Variants in FARP1 observed in about 807,000 individuals in gnomAD.
FARP1 encodes FERM, ARHGEF and pleckstrin domain-containing protein 1.
A neutral mutation model predicts 128.8 loss-of-function variants in FARP1; 52 were observed. The ratio of observed to expected loss-of-function variants is 0.40; its 90% CI spans 0.32 to 0.51. The LOEUF (loss-of-function observed/expected upper bound fraction) is 0.51. Among genes scored for constraint, FARP1 ranks in the 20% least tolerant of loss-of-function variants. FARP1 has a pLI of 0.45. For missense variants in FARP1, 1,333 were observed against 1,367.9 expected (o/e 0.97, Z 0.40); for synonymous variants, 580 against 551.8 (o/e 1.05, Z -0.72).
At chr13:98,245,137 T>C in intron 2 of FARP1, 1 of 992,992 alleles carries the variant, frequency 1.0e-6, no homozygotes, top group Non-Finnish European at 1.2e-6. Context: ...CTGGAATTGC[T>C]GAAGTTTAAT....
In FARP1 at chr13:98,440,816, G is replaced by A. The variant is rs1277561626; in HGVS notation, c.2776G>A (p.Asp926Asn). ...WHRNTSVSMV[D>N]FSIAVENQLS... ...CCGCAACACCAGCGTCTCCATGGTG[G>A]ACTTCAGCATCGCAGTGGAGGTACG... is the stretch of plus-strand genomic sequence containing the variant. The change falls in exon 24 of 27, where the codon GAC becomes AAC. Residue 926 changes from aspartate (D) to asparagine (N), a missense_variant. Transcript: ENST00000319562. 2.5e-6 allele frequency: 4 copies of A among 1,610,324 alleles called. No homozygotes were observed. The highest frequency in any genetic ancestry group is 2.7e-5 in the African/African-American group (2 of 74,976).
intron 1 of FARP1, among the ~76,000 whole-genome samples, chr13:98,160,811 C>T (rs1876827719): frequency 1.3e-5 from 2 of 152,010 alleles, no homozygotes; most frequent in African/African-American, 4.8e-5. Flanking sequence ...TATAGGCTCA[C>T]ACTACCATGC....
At chr13:98,393,135 A>G (rs1890376387) in intron 11 of FARP1, among the ~76,000 whole-genome samples, 1 of 152,234 alleles carries the variant, frequency 6.6e-6, no homozygotes, top group South Asian at 2.1e-4. Flanking sequence ...TGTTAAAGTC[A>G]GTTCCTTCTA....
At chr13:98,382,952 G>A (rs1351457995) in intron 6 of FARP1, among the ~76,000 whole-genome samples, 2 of 152,214 alleles carry the variant, frequency 1.3e-5, no homozygotes, top group East Asian at 3.9e-4. Context: ...GAGTTCAGCT[G>A]CTGTTGGCCA....
At chr13:98,381,402 G>A (rs1889882889) in intron 6 of FARP1, among the ~76,000 whole-genome samples, 1 of 152,198 alleles carries the variant, frequency 6.6e-6, no homozygotes, top group South Asian at 2.1e-4. Context: ...CACACAATCT[G>A]CTGTCGTCTT....
At chr13:98,387,797 C>A (rs1488664063) in intron 8 of FARP1, among the ~76,000 whole-genome samples, 3 of 152,182 alleles carry the variant, frequency 2.0e-5, no homozygotes, top group Non-Finnish European at 4.4e-5. Context: ...GCTTGATGGG[C>A]CCAGGAGCCA....
At chr13:98,225,291 C>T (rs1433130451) in intron 2 of FARP1, among the ~76,000 whole-genome samples, 2 of 152,186 alleles carry the variant, frequency 1.3e-5, no homozygotes, top group Admixed American at 1.3e-4. Flanking sequence ...AGTTGCATTT[C>T]ACAGCTCATT....
intron 3 of FARP1, among the ~76,000 whole-genome samples, chr13:98,354,416 T>C (rs527723367): frequency 1.3e-5 from 2 of 152,326 alleles, no homozygotes; most frequent in South Asian, 4.1e-4. Context: ...TAACCAGATA[T>C]GAAACATGGT....
chr13:98,178,037 G>A (rs906467464), intron 1 of FARP1: 8 of 152,172 alleles, frequency 5.3e-5, no homozygotes, highest in African/African-American at 1.9e-4. Context: ...CACTGCACCT[G>A]TGGGTGTGTA....
intron 13 of FARP1, chr13:98,403,959 T>C (rs74343824): frequency 0.03 from 4,648 of 152,968 alleles, 100 homozygotes; most frequent in South Asian, 0.075. Context: ...GTATTTTTCA[T>C]TGGTACGAAG....
chr13:98,371,564 T>TC (rs951352080), intron 5 of FARP1, among the ~76,000 whole-genome samples: 5 of 152,158 alleles, frequency 3.3e-5, no homozygotes, highest in Admixed American at 6.5e-5. Context: ...CCTACTTTTT[T>TC]TTTTATCATC....
intron 11 of FARP1, among the ~76,000 whole-genome samples, chr13:98,393,169 C>T (rs902840928): frequency 1.3e-5 from 2 of 152,196 alleles, no homozygotes; most frequent in Non-Finnish European, 2.9e-5. Context: ...GCCTTTTCCT[C>T]TGAACTTACC....
intron 11 of FARP1, among the ~76,000 whole-genome samples, chr13:98,392,016 A>G (rs1204180257): frequency 6.6e-6 from 1 of 152,214 alleles, no homozygotes; most frequent in Non-Finnish European, 1.5e-5. Context: ...ACAGTTGGAC[A>G]CATTTGTTTC....
At chr13:98,275,756 G>A (rs1315116416) in intron 2 of FARP1, among the ~76,000 whole-genome samples, 1 of 151,994 alleles carries the variant, frequency 6.6e-6, no homozygotes, top group African/African-American at 2.4e-5. Flanking sequence ...TCAGGCATGA[G>A]AAGAGAATAA....
intron 2 of FARP1, among the ~76,000 whole-genome samples, chr13:98,261,529 T>G (rs1594333255): frequency 6.6e-6 from 1 of 152,090 alleles, no homozygotes; most frequent in African/African-American, 2.4e-5. Context: ...TTTTTTTTTT[T>G]TTTTGCCTAG....
chr13:98,361,317 C>T (rs1225993074), intron 3 of FARP1, among the ~76,000 whole-genome samples: 1 of 152,208 alleles, frequency 6.6e-6, no homozygotes. Flanking sequence ...ATTACCCAGG[C>T]CCATCTTGTG....
At chr13:98,376,759 GTTTTTTTT>G (rs34686053) in intron 5 of FARP1, among the ~76,000 whole-genome samples, 1 of 103,448 alleles carries the variant, frequency 9.7e-6, no homozygotes, top group Non-Finnish European at 1.9e-5. Context: ...GGTTTTTTGT[GTTTTTTTT>G]TTTTTTTTTT....
chr13:98,202,573 A>G (rs1429579055), intron 1 of FARP1, among the ~76,000 whole-genome samples: 2 of 152,300 alleles, frequency 1.3e-5, no homozygotes, highest in South Asian at 2.1e-4. Flanking sequence ...GGCTTGATTG[A>G]AAGTAGTTCC....
intron 2 of FARP1, among the ~76,000 whole-genome samples, chr13:98,296,479 C>A (rs188837940): frequency 3.1e-4 from 46 of 149,690 alleles, no homozygotes; most frequent in African/African-American, 1.0e-3. Context: ...CATGGGCATC[C>A]TTCTCCTATG....
Sources: gnomAD v4.1 joint callset for allele counts (sites outside exome capture counted in the v4.1 genomes callset) on GRCh38, gnomAD v4.1.1 for gene constraint, MANE v1.5 for transcripts, NCBI Gene and HGNC (gene_info 2026-07-23, HGNC 2026-07-21) for gene names.